Variants in UBAC2 observed in about 807,000 individuals in gnomAD.
UBAC2 encodes the protein UBA domain containing 2.
UBAC2 carries 26 observed loss-of-function variants against 44.0 expected under a neutral mutation model. The observed-to-expected ratio is 0.59, with a 90% CI of 0.43 to 0.82. The LOEUF (loss-of-function observed/expected upper bound fraction) is 0.82. Ranked by LOEUF, UBAC2 falls within the 40% of genes least tolerant of loss-of-function variation. The pLI, the probability that UBAC2 is intolerant of heterozygous loss-of-function variation, is 0.00. For synonymous variants in UBAC2, 155 were observed against 154.3 expected (o/e 1.00, Z -0.04); for missense variants, 329 against 419.4 (o/e 0.78, Z 1.88).
chr13:99,322,286 C>T (rs191267560), intron 6 of UBAC2, among the ~76,000 whole-genome samples: 143 of 152,272 alleles, frequency 9.4e-4, no homozygotes, highest in Admixed American at 4.3e-3. Flanking sequence ...TACTGAACTT[C>T]ATTTAAATTC....
chr13:99,345,932 G>A (rs2044972320), intron 7 of UBAC2, among the ~76,000 whole-genome samples: 3 of 151,828 alleles, frequency 2.0e-5, no homozygotes, highest in Admixed American at 1.3e-4. Flanking sequence ...TAGTAAAGAC[G>A]GGGTTTCACC....
intron 4 of UBAC2, among the ~76,000 whole-genome samples, chr13:99,268,269 A>G (rs1339119550): frequency 6.6e-6 from 1 of 152,156 alleles, no homozygotes; most frequent in African/African-American, 2.4e-5. Flanking sequence ...GCTCTAACAC[A>G]TTAGCTGCCT....
At chr13:99,317,977 G>T in intron 5 of UBAC2, 45 bp from the exon 6 acceptor site, 2 of 1,487,664 alleles carry the variant, frequency 1.3e-6, no homozygotes, top group East Asian at 2.3e-5. Flanking sequence ...GCTGTGACTG[G>T]CAGTTGAATT....
At chr13:99,384,511 A>G (rs1316831032) in intron 8 of UBAC2, among the ~76,000 whole-genome samples, 1 of 152,218 alleles carries the variant, frequency 6.6e-6, no homozygotes, top group Non-Finnish European at 1.5e-5. Flanking sequence ...GTGGTCAAAA[A>G]CAATGCATGC....
intron 6 of UBAC2, among the ~76,000 whole-genome samples, chr13:99,338,133 C>T (rs555691452): frequency 5.5e-4 from 71 of 129,230 alleles, no homozygotes; most frequent in Admixed American, 1.3e-3. Flanking sequence ...TCTCGACTTA[C>T]TGTAACCTCC....
At chr13:99,253,660 C>A (rs1251781869) in intron 4 of UBAC2, among the ~76,000 whole-genome samples, 2 of 152,076 alleles carry the variant, frequency 1.3e-5, no homozygotes, top group African/African-American at 2.4e-5. Context: ...ATTACAGGAA[C>A]CTGCCATCAT....
chr13:99,371,651 A>G (rs116906133), intron 8 of UBAC2, among the ~76,000 whole-genome samples: 4,342 of 152,290 alleles, frequency 0.029, 112 homozygotes, highest in Non-Finnish European at 0.042. Flanking sequence ...TTTCAATTAA[A>G]TGTTTGTATT....
intron 6 of UBAC2, among the ~76,000 whole-genome samples, chr13:99,318,821 CAAAAAAAAAAAA>C (rs397851352): frequency 1.4e-5 from 1 of 69,896 alleles, no homozygotes; most frequent in East Asian, 4.1e-4. Context: ...GACTCCATCT[CAAAAAAAAAAAA>C]AAAAAAAAGG....
intron 1 of UBAC2, among the ~76,000 whole-genome samples, chr13:99,213,222 A>ATT (rs36042800): frequency 7.4e-4 from 110 of 149,160 alleles, no homozygotes; most frequent in East Asian, 6.2e-3. Context: ...TTTTTTTTCA[A>ATT]TTTTTTTTTT....
intron 4 of UBAC2, among the ~76,000 whole-genome samples, chr13:99,293,875 T>A (rs1367963953): frequency 6.6e-6 from 1 of 151,946 alleles, no homozygotes; most frequent in Non-Finnish European, 1.5e-5. Flanking sequence ...CTGAAAAAAA[T>A]TTTTAAAGTA....
At chr13:99,339,097 T>G (rs2044845364) in intron 6 of UBAC2, among the ~76,000 whole-genome samples, 1 of 152,142 alleles carries the variant, frequency 6.6e-6, no homozygotes, top group South Asian at 2.1e-4. Flanking sequence ...ATCTCGACCT[T>G]TTCCTTGAGT....
chr13:99,247,271 G>T (rs1188664310), intron 4 of UBAC2, among the ~76,000 whole-genome samples: 2 of 151,466 alleles, frequency 1.3e-5, no homozygotes, highest in Non-Finnish European at 2.9e-5. Context: ...CTGGAGTGCA[G>T]TGGCGCGATC....
intron 7 of UBAC2, among the ~76,000 whole-genome samples, chr13:99,366,687 G>C (rs2045335600): frequency 6.6e-6 from 1 of 152,070 alleles, no homozygotes; most frequent in African/African-American, 2.4e-5. Flanking sequence ...TCTTTAGACA[G>C]ATAATTGAGC....
chr13:99,280,243 C>T (rs1419545756), intron 4 of UBAC2, among the ~76,000 whole-genome samples: 1 of 152,208 alleles, frequency 6.6e-6, no homozygotes, highest in Non-Finnish European at 1.5e-5. Flanking sequence ...CACCTCAGAG[C>T]TCCAGCCAAT....
chr13:99,254,425 A>T (rs956970587), intron 4 of UBAC2, among the ~76,000 whole-genome samples: 1 of 152,208 alleles, frequency 6.6e-6, no homozygotes, highest in African/African-American at 2.4e-5. Context: ...TTTGCCTTGT[A>T]GTAAGTAACA....
intron 8 of UBAC2, among the ~76,000 whole-genome samples, chr13:99,382,552 A>G (rs2045564892): frequency 6.6e-6 from 1 of 152,190 alleles, no homozygotes; most frequent in Non-Finnish European, 1.5e-5. Context: ...CCGTGGTGTC[A>G]CACTCAGTTC....
At chr13:99,247,278 G>A (rs1449451812) in intron 4 of UBAC2, among the ~76,000 whole-genome samples, 14 of 151,380 alleles carry the variant, frequency 9.2e-5, no homozygotes, top group African/African-American at 2.9e-4. Flanking sequence ...GCAGTGGCGC[G>A]ATCTCGGCTC....
At chr13:99,370,213 G>A (rs967757419) in intron 8 of UBAC2, among the ~76,000 whole-genome samples, 1 of 152,198 alleles carries the variant, frequency 6.6e-6, no homozygotes, top group African/African-American at 2.4e-5. Context: ...GCACCATGAT[G>A]TGTGCAACCT....
chr13:99,267,291 TA>T (rs1423856436), intron 4 of UBAC2, among the ~76,000 whole-genome samples: 1 of 152,216 alleles, frequency 6.6e-6, no homozygotes, highest in African/African-American at 2.4e-5. Context: ...GATTTGCAAA[TA>T]TTTTTTCTCT....
Sources: gnomAD v4.1 joint callset for allele counts (sites outside exome capture counted in the v4.1 genomes callset) on GRCh38, gnomAD v4.1.1 for gene constraint, MANE v1.5 for transcripts, NCBI Gene and HGNC (gene_info 2026-07-23, HGNC 2026-07-21) for gene names.